The following GRIA4 variants were observed in gnomAD, a reference collection of about 807,000 sequenced individuals.
GRIA4 encodes glutamate receptor 4.
Under a neutral mutation model 104.0 loss-of-function variants are expected in GRIA4, and 34 were observed. The ratio of observed to expected loss-of-function variants is 0.33; its 90% CI spans 0.25 to 0.44. GRIA4 has a LOEUF of 0.44. Among genes scored for constraint, GRIA4 ranks in the 20% least tolerant of loss-of-function variants. GRIA4 has a pLI of 1.00. For missense variants in GRIA4, 750 were observed against 1,096.5 expected, an observed-to-expected ratio of 0.68 and a Z score of 4.46; for synonymous variants, 386 against 381.9, an observed-to-expected ratio of 1.01 and a Z score of -0.13.
intron 3 of GRIA4, among the ~76,000 whole-genome samples, chr11:105,710,112 T>G: frequency 6.6e-6 from 1 of 152,126 alleles, no homozygotes; most frequent in Non-Finnish European, 1.5e-5. Flanking sequence ...TCTTATTATA[T>G]TATTAGGGTC....
At chr11:105,854,762 C>T (rs544918536) in intron 4 of GRIA4, among the ~76,000 whole-genome samples, 1 of 152,204 alleles carries the variant, frequency 6.6e-6, no homozygotes, top group South Asian at 2.1e-4. Flanking sequence ...GAAAGGCCTT[C>T]ACATCACAGC....
intron 4 of GRIA4, among the ~76,000 whole-genome samples, chr11:105,798,467 A>C (rs1414081777): frequency 6.6e-6 from 1 of 152,094 alleles, no homozygotes; most frequent in Admixed American, 6.6e-5. Context: ...AAAGAGGAGA[A>C]AAGGATCTCA....
intron 3 of GRIA4, among the ~76,000 whole-genome samples, chr11:105,672,984 G>T (rs1952422576): frequency 6.6e-6 from 1 of 151,964 alleles, no homozygotes; most frequent in African/African-American, 2.4e-5. Context: ...TTTCGGAATT[G>T]AAAATTAGAT....
intron 4 of GRIA4, among the ~76,000 whole-genome samples, chr11:105,832,854 T>C (rs1353214784): frequency 1.3e-5 from 2 of 151,952 alleles, no homozygotes; most frequent in African/African-American, 4.8e-5. Flanking sequence ...AGAATATAGG[T>C]TATTTTTTTC....
At chr11:105,880,919 T>G (rs1946029551) in intron 5 of GRIA4, among the ~76,000 whole-genome samples, 1 of 152,180 alleles carries the variant, frequency 6.6e-6, no homozygotes, top group Non-Finnish European at 1.5e-5. Flanking sequence ...TTTTTTTACA[T>G]TATCAATTCT....
chr11:105,620,908 TG>T (rs879388044), intron 3 of GRIA4, among the ~76,000 whole-genome samples: 18 of 151,230 alleles, frequency 1.2e-4, no homozygotes, highest in Admixed American at 5.3e-4. Context: ...TTCCATTTTT[TG>T]GGGGGGGTCA....
intron 1 of GRIA4, 28 bp from the exon 2 acceptor site, chr11:105,610,880 T>TTTTTTTTG: frequency 2.1e-6 from 1 of 477,542 alleles, no homozygotes; most frequent in Non-Finnish European, 3.7e-6. Flanking sequence ...CTTTTTTTTT[T>TTTTTTTTG]TTTTTTTTTG....
At chr11:105,818,473 A>C (rs1021314011) in intron 4 of GRIA4, among the ~76,000 whole-genome samples, 1 of 152,170 alleles carries the variant, frequency 6.6e-6, no homozygotes, top group East Asian at 1.9e-4. Flanking sequence ...ACGAATCTTC[A>C]TCTTGCTTGC....
intron 3 of GRIA4, among the ~76,000 whole-genome samples, chr11:105,647,471 T>C (rs1188644659): frequency 6.6e-6 from 1 of 152,006 alleles, no homozygotes; most frequent in Non-Finnish European, 1.5e-5. Flanking sequence ...TAAATCATGG[T>C]TTTATAAAGA....
intron 4 of GRIA4, among the ~76,000 whole-genome samples, chr11:105,771,008 C>T (rs1343481108): frequency 6.6e-6 from 1 of 151,966 alleles, no homozygotes; most frequent in Non-Finnish European, 1.5e-5. Flanking sequence ...GTACTCCCTC[C>T]TTAACCTTAA....
chr11:105,742,033 T>G (rs1263175683), intron 3 of GRIA4, among the ~76,000 whole-genome samples: 3 of 152,176 alleles, frequency 2.0e-5, no homozygotes, highest in Non-Finnish European at 4.4e-5. Context: ...CTTTGCTTGT[T>G]GTGTTATTCA....
intron 4 of GRIA4, among the ~76,000 whole-genome samples, chr11:105,816,173 G>C (rs533695113): frequency 6.6e-6 from 1 of 152,078 alleles, no homozygotes; most frequent in African/African-American, 2.4e-5. Context: ...TGGCCTTCTC[G>C]TCAGGAAAAT....
At chr11:105,732,917 C>T (rs775515767) in intron 3 of GRIA4, among the ~76,000 whole-genome samples, 94 of 152,156 alleles carry the variant, frequency 6.2e-4, no homozygotes, top group Non-Finnish European at 1.1e-3. Flanking sequence ...TATTATTAAT[C>T]GCATAGCACT....
At position 105,982,057 on chromosome 11, in the gene GRIA4, AT is replaced by A; in HGVS notation, c.*2320del. Reference sequence around the variant, plus strand: ...CAGCACCCAGCACAGTGCCTGGCATATTGTAGGTGCTTAATAAATATTTGTT... The same window carrying A: ...CAGCACCCAGCACAGTGCCTGGCATATGTAGGTGCTTAATAAATATTTGTT... On this transcript the variant is annotated 3_prime_UTR_variant, in exon 17 of 17. Coordinates refer to ENST00000282499, the MANE Select transcript of GRIA4 (RefSeq NM_000829.4). 1 of 152,718 alleles carries A rather than the reference AT, an allele frequency of 6.5e-6. No homozygotes were observed. 9.5% of individuals were successfully genotyped at this position (152,718 alleles called of 1,614,324 possible).
At chr11:105,624,994 G>T (rs1950849344) in intron 3 of GRIA4, among the ~76,000 whole-genome samples, 1 of 152,050 alleles carries the variant, frequency 6.6e-6, no homozygotes, top group Non-Finnish European at 1.5e-5. Context: ...GTAGCACAGA[G>T]ATACTGTGAT....
intron 9 of GRIA4, among the ~76,000 whole-genome samples, chr11:105,909,430 G>A (rs983989159): frequency 3.3e-5 from 5 of 152,190 alleles, no homozygotes; most frequent in Middle Eastern, 3.4e-3. Flanking sequence ...TTAGAAGGTC[G>A]CATAGCATAA....
chr11:105,700,334 CTTCT>C (rs748518018), intron 3 of GRIA4, among the ~76,000 whole-genome samples: 7 of 152,182 alleles, frequency 4.6e-5, no homozygotes, highest in African/African-American at 7.2e-5. Context: ...TCATTCTCCT[CTTCT>C]TTAATTAGTG....
In GRIA4 at chr11:105,688,842, G is replaced by C. The variant is rs143062827; in HGVS notation, c.248-64139G>C. On this transcript the variant is annotated intron_variant, in intron 3 of 16. Coordinates refer to ENST00000282499, the MANE Select transcript of GRIA4 (RefSeq NM_000829.4). ...TAATATACAGATAATACGTCATTAGGTAGATGGTGGTGCTAGGAAAAAAAG... is the reference window on the plus strand; with the variant it reads ...TAATATACAGATAATACGTCATTAGCTAGATGGTGGTGCTAGGAAAAAAAG... 7.1e-3 allele frequency among the ~76,000 whole-genome samples: 1,079 copies of C among 152,178 alleles called. 20 individuals are homozygous for C. Among genetic ancestry groups the C allele is most frequent in the African/African-American group, 0.025 (1,038 of 41,500 alleles).
chr11:105,820,185 C>T (rs184117031), intron 4 of GRIA4, among the ~76,000 whole-genome samples: 189 of 152,132 alleles, frequency 1.2e-3, no homozygotes, highest in Non-Finnish European at 2.1e-3. Context: ...TTTAAACTAC[C>T]CAATCTGTGG....
Sources: gnomAD v4.1 joint callset for allele counts (sites outside exome capture counted in the v4.1 genomes callset) on GRCh38, gnomAD v4.1.1 for gene constraint, MANE v1.5 for transcripts, NCBI Gene and HGNC (gene_info 2026-07-23, HGNC 2026-07-21) for gene names.